Variants in ADAMTSL1 observed in about 807,000 individuals in gnomAD.
The protein encoded by ADAMTSL1 is ADAMTS like 1.
ADAMTSL1 carries 126 observed loss-of-function variants against 201.8 expected under a neutral mutation model. That is an observed-to-expected ratio of 0.62 (90% CI 0.54 to 0.72). The LOEUF (loss-of-function observed/expected upper bound fraction) is 0.72. Ranked by LOEUF, ADAMTSL1 falls within the 30% of genes least tolerant of loss-of-function variation. ADAMTSL1 has a pLI of 0.00. For synonymous variants in ADAMTSL1, 1,121 were observed against 903.4 expected, an observed-to-expected ratio of 1.24 and a Z score of -4.32; for missense variants, 2,679 against 2,277.8, an observed-to-expected ratio of 1.18 and a Z score of -3.59.
intron 7 of ADAMTSL1, among the ~76,000 whole-genome samples, chr9:18,643,265 A>G (rs974554832): frequency 2.0e-5 from 3 of 151,848 alleles, no homozygotes; most frequent in African/African-American, 7.3e-5. Context: ...TTTTTCAGTC[A>G]GATTGTTTTC....
At chr9:18,882,183 G>C (rs947875080) in intron 23 of ADAMTSL1, among the ~76,000 whole-genome samples, 1 of 152,128 alleles carries the variant, frequency 6.6e-6, no homozygotes, top group Admixed American at 6.5e-5. Context: ...TAAGGCAGTT[G>C]GGAAAATGAG....
At chr9:18,628,743 T>G (rs776914722) in intron 5 of ADAMTSL1, among the ~76,000 whole-genome samples, 3 of 152,226 alleles carry the variant, frequency 2.0e-5, no homozygotes, top group Non-Finnish European at 4.4e-5. Flanking sequence ...TACTTAGGTC[T>G]TATTTTATCT....
chr9:18,741,314 T>A (rs1818809596), intron 15 of ADAMTSL1, among the ~76,000 whole-genome samples: 1 of 149,336 alleles, frequency 6.7e-6, no homozygotes. Flanking sequence ...CACATGTGAG[T>A]GGCTGAATAG....
chr9:18,880,997 T>C (rs1310411422), intron 23 of ADAMTSL1, among the ~76,000 whole-genome samples: 2 of 152,230 alleles, frequency 1.3e-5, no homozygotes, highest in Non-Finnish European at 2.9e-5. Flanking sequence ...CAACCTCTGC[T>C]AGCTTCCAAC....
At chr9:18,864,193 G>A (rs1042181857) in intron 23 of ADAMTSL1, among the ~76,000 whole-genome samples, 6 of 152,006 alleles carry the variant, frequency 3.9e-5, no homozygotes, top group South Asian at 4.1e-4. Context: ...ATTCTTCCCC[G>A]TGAACTGGGT....
chr9:17,960,583 C>A (rs1296711297), intron 1 of ADAMTSL1, among the ~76,000 whole-genome samples: 16 of 152,184 alleles, frequency 1.1e-4, no homozygotes, highest in Admixed American at 1.0e-3. Flanking sequence ...ACCAATTGAT[C>A]TCTTCTTTGT....
intron 7 of ADAMTSL1, among the ~76,000 whole-genome samples, chr9:18,654,913 C>T (rs986686069): frequency 3.9e-5 from 6 of 152,222 alleles, no homozygotes; most frequent in Admixed American, 6.5e-5. Flanking sequence ...CACTGTGGAT[C>T]CCAGCTCAGA....
chr9:17,999,384 A>C (rs1274589273), intron 1 of ADAMTSL1, among the ~76,000 whole-genome samples: 2 of 152,018 alleles, frequency 1.3e-5, no homozygotes, highest in Non-Finnish European at 2.9e-5. Flanking sequence ...TTCTCCCAGA[A>C]TTATCCCAAA....
intron 23 of ADAMTSL1, among the ~76,000 whole-genome samples, chr9:18,842,448 T>G (rs1297046607): frequency 1.3e-5 from 2 of 152,224 alleles, no homozygotes; most frequent in Non-Finnish European, 2.9e-5. Flanking sequence ...GAGGAGAGCT[T>G]TACTTCCAAG....
At chr9:18,640,893 A>G (rs149336589) in intron 7 of ADAMTSL1, among the ~76,000 whole-genome samples, 6 of 152,106 alleles carry the variant, frequency 3.9e-5, no homozygotes, top group South Asian at 2.1e-4. Flanking sequence ...TTCATTGCCT[A>G]TGTTACCTTC....
chr9:18,374,345 T>A (rs1417782856), intron 2 of ADAMTSL1, among the ~76,000 whole-genome samples: 4 of 151,722 alleles, frequency 2.6e-5, no homozygotes, highest in African/African-American at 7.3e-5. Flanking sequence ...ATTTTTTTTT[T>A]ATTTTTTGGG....
At chr9:18,438,580 C>T (rs1483878553) in intron 2 of ADAMTSL1, among the ~76,000 whole-genome samples, 1 of 152,214 alleles carries the variant, frequency 6.6e-6, no homozygotes, top group Non-Finnish European at 1.5e-5. Context: ...CGTGTCCCTT[C>T]CCGCACTGCC....
intron 2 of ADAMTSL1, among the ~76,000 whole-genome samples, chr9:18,265,651 T>G (rs2132552149): frequency 6.6e-6 from 1 of 152,360 alleles, no homozygotes; most frequent in Middle Eastern, 3.4e-3. Flanking sequence ...TTTTTGCTAT[T>G]TATTTTTTAA....
intron 2 of ADAMTSL1, among the ~76,000 whole-genome samples, chr9:18,524,049 C>T (rs1183952717): frequency 1.1e-4 from 16 of 148,978 alleles, no homozygotes; most frequent in Non-Finnish European, 1.5e-4. Flanking sequence ...GCCATTTTCA[C>T]GATATTGATT....
chr9:18,281,139 C>G (rs1369680238), intron 2 of ADAMTSL1, among the ~76,000 whole-genome samples: 2 of 152,104 alleles, frequency 1.3e-5, no homozygotes, highest in East Asian at 3.8e-4. Flanking sequence ...TAAGGGTAAA[C>G]AAGCTTTATC....
At chr9:18,273,899 A>G (rs570740082) in intron 2 of ADAMTSL1, among the ~76,000 whole-genome samples, 2 of 152,360 alleles carry the variant, frequency 1.3e-5, no homozygotes, top group African/African-American at 4.8e-5. Flanking sequence ...TCAACTGTGC[A>G]GAAAGATCCT....
At chr9:18,655,127 A>G (rs2132952497) in intron 7 of ADAMTSL1, among the ~76,000 whole-genome samples, 1 of 152,354 alleles carries the variant, frequency 6.6e-6, no homozygotes, top group Non-Finnish European at 1.5e-5. Flanking sequence ...CCAGTGAAAA[A>G]GGAAAAGATG....
At chr9:18,424,596 C>T (rs572683787) in intron 2 of ADAMTSL1, among the ~76,000 whole-genome samples, 27 of 152,220 alleles carry the variant, frequency 1.8e-4, no homozygotes, top group African/African-American at 6.5e-4. Context: ...AATAAAAACA[C>T]CAAACATATA....
chr9:18,633,030 G>A (rs17804352), intron 5 of ADAMTSL1, among the ~76,000 whole-genome samples: 22,666 of 152,090 alleles, frequency 0.15, 1,740 homozygotes, highest in Admixed American at 0.21. Context: ...CATCAGCCAA[G>A]AGCTAGGGTA....
Sources: gnomAD v4.1 joint callset for allele counts (sites outside exome capture counted in the v4.1 genomes callset) on GRCh38, gnomAD v4.1.1 for gene constraint, MANE v1.5 for transcripts, NCBI Gene and HGNC (gene_info 2026-07-23, HGNC 2026-07-21) for gene names.